Variants in CCDC148 observed in about 807,000 individuals in gnomAD.
The protein encoded by CCDC148 is coiled-coil domain-containing protein 148.
A neutral mutation model predicts 85.7 loss-of-function variants in CCDC148; 89 were observed. The observed-to-expected ratio is 1.04, with a 90% CI of 0.87 to 1.24. The LOEUF is 1.24. CCDC148 is among the 50% of genes most tolerant of loss of function. The pLI is 0.00. For synonymous variants in CCDC148, 230 were observed against 213.9 expected, an observed-to-expected ratio of 1.08 and a Z score of -0.66; for missense variants, 692 against 671.7, an observed-to-expected ratio of 1.03 and a Z score of -0.33.
chr2:158,372,453 G>C (rs1684482226), intron 1 of CCDC148, among the ~76,000 whole-genome samples: 1 of 151,924 alleles, frequency 6.6e-6, no homozygotes, highest in Non-Finnish European at 1.5e-5. Context: ...CCTCTGCTTT[G>C]GAAAGACTTA....
At chr2:158,330,203 T>A (rs935322011) in intron 7 of CCDC148, among the ~76,000 whole-genome samples, 15 of 152,140 alleles carry the variant, frequency 9.9e-5, no homozygotes, top group Admixed American at 7.9e-4. Context: ...ATTTATTGAG[T>A]GTTTTTAGCA....
intron 9 of CCDC148, among the ~76,000 whole-genome samples, chr2:158,287,418 C>T (rs905853408): frequency 3.9e-5 from 6 of 152,070 alleles, no homozygotes; most frequent in African/African-American, 1.4e-4. Context: ...TACCTATGAG[C>T]CTAGAAAATC....
chr2:158,205,955 A>G (rs1270646575), intron 11 of CCDC148, among the ~76,000 whole-genome samples: 1 of 152,122 alleles, frequency 6.6e-6, no homozygotes, highest in South Asian at 2.1e-4. Context: ...CAGCACAATC[A>G]TGCCTTCTTT....
intron 2 of CCDC148, among the ~76,000 whole-genome samples, chr2:158,357,099 G>C (rs1683691739): frequency 7.7e-6 from 1 of 129,610 alleles, no homozygotes; most frequent in Non-Finnish European, 1.6e-5. Context: ...GGAGGGGGGA[G>C]GGATAGCATT....
At chr2:158,249,130 G>C (rs1216416833) in intron 10 of CCDC148, among the ~76,000 whole-genome samples, 1 of 152,056 alleles carries the variant, frequency 6.6e-6, no homozygotes, top group South Asian at 2.1e-4. Context: ...CTCAATACTT[G>C]AGTTATTTAA....
chr2:158,259,995 C>T (rs766355406), intron 9 of CCDC148, among the ~76,000 whole-genome samples: 1 of 151,966 alleles, frequency 6.6e-6, no homozygotes, highest in Admixed American at 6.6e-5. Flanking sequence ...CTCCTAGTGA[C>T]TTTTTAACTA....
chr2:158,217,298 T>G (rs906830723), intron 11 of CCDC148, among the ~76,000 whole-genome samples: 7 of 146,868 alleles, frequency 4.8e-5, no homozygotes, highest in African/African-American at 1.7e-4. Context: ...ACCTATCATT[T>G]TATTTATGTA....
chr2:158,236,059 T>C (rs552337757), intron 10 of CCDC148: 1 of 152,362 alleles, frequency 6.6e-6, no homozygotes, highest in African/African-American at 2.4e-5. Context: ...TGGAGAGTGA[T>C]ACGACTCAGG....
At chr2:158,313,990 G>T in intron 7 of CCDC148, 96 bp from the exon 8 acceptor site, 3 of 1,191,932 alleles carry the variant, frequency 2.5e-6, no homozygotes, top group Non-Finnish European at 3.5e-6. Context: ...TAGTAACGAA[G>T]CAAAACGAGG....
chr2:158,413,185 G>C (rs184645141), intron 1 of CCDC148, among the ~76,000 whole-genome samples: 1 of 152,048 alleles, frequency 6.6e-6, no homozygotes, highest in Non-Finnish European at 1.5e-5. Context: ...AGGAGTCTTA[G>C]CATAAAAAGC....
chr2:158,374,525 G>A (rs1213759291), intron 1 of CCDC148, among the ~76,000 whole-genome samples: 1 of 151,716 alleles, frequency 6.6e-6, no homozygotes, highest in Non-Finnish European at 1.5e-5. Flanking sequence ...TTGTGCGTGC[G>A]CTCTCTCTCG....
chr2:158,449,463 T>TC (rs1688301887), intron 1 of CCDC148, among the ~76,000 whole-genome samples: 1 of 151,658 alleles, frequency 6.6e-6, no homozygotes, highest in African/African-American at 2.4e-5. Context: ...TCTTTTTTTT[T>TC]TTCCGAGACA....
chr2:158,186,786 G>A (rs957831341), intron 11 of CCDC148, among the ~76,000 whole-genome samples: 2 of 151,840 alleles, frequency 1.3e-5, no homozygotes, highest in Admixed American at 1.3e-4. Context: ...CCCAGGTTAG[G>A]CCTTCCCTCC....
chr2:158,220,623 C>A lies in CCDC148; in HGVS notation c.1342G>T (p.Ala448Ser), dbSNP rs773092722. ...TCTCTGTCTTTTAGTGACTGTTCAG[C>A]GATTAATTTCTTCAGTTCTTCTAGA... ...QRLEELKKLIAEQSLKDRERV... is the reference protein window; with the variant it reads ...QRLEELKKLISEQSLKDRERV... Residue 448 changes from alanine (A) to serine (S), a missense_variant, in exon 11 of 14, where the codon GCT (alanine) becomes TCT (serine). Ala to Ser is a moderately conservative substitution (Grantham distance 99, BLOSUM62 1). Transcript: ENST00000283233. The A allele has an allele frequency of 2.5e-6, 4 of 1,603,854 alleles. No homozygotes were observed. The highest frequency in any genetic ancestry group is 1.7e-5 in the Admixed American group (1 of 57,506).
chr2:158,377,200 A>G lies in CCDC148; in HGVS notation c.26-18630T>C, dbSNP rs573116652. ...ATGAAAACTAGGGGAAGTGGAGGAA[A>G]AATAAACTGCTCTTCCTTAGAGAAA... On this transcript the variant is annotated intron_variant, in intron 1 of 13. Transcript: ENST00000283233. 2.2e-4 allele frequency among the ~76,000 whole-genome samples: 34 copies of G among 152,008 alleles called. 1 individual carries two copies. In the South Asian group the frequency reaches 6.4e-3, roughly 29 times the overall value.
At chr2:158,248,525 T>C (rs1222777700) in intron 10 of CCDC148, among the ~76,000 whole-genome samples, 1 of 152,134 alleles carries the variant, frequency 6.6e-6, no homozygotes, top group African/African-American at 2.4e-5. Flanking sequence ...CAAAGCATTG[T>C]AATGTCCTCT....
intron 1 of CCDC148, among the ~76,000 whole-genome samples, chr2:158,445,124 T>C (rs1573833046): frequency 6.6e-6 from 1 of 152,128 alleles, no homozygotes; most frequent in East Asian, 1.9e-4. Flanking sequence ...ACATTAAACC[T>C]CATTTTCACA....
In CCDC148 at chr2:158,437,058, G is replaced by C. The variant is rs557175909; in HGVS notation, c.25+19357C>G. Among the ~76,000 whole-genome samples, 93 of 152,260 alleles carry C rather than the reference G, an allele frequency of 6.1e-4. 1 individual carries two copies. The highest frequency in any genetic ancestry group is 2.1e-3 in the African/African-American group (88 of 41,558). Reference sequence around the variant, plus strand: ...AATTCTAGCAGAGGTAGAATGAGGAGCTGGTACCATTCCTTCTGAAACTAT... The same window carrying C: ...AATTCTAGCAGAGGTAGAATGAGGACCTGGTACCATTCCTTCTGAAACTAT... On this transcript the variant is annotated intron_variant, in intron 1 of 13. Transcript: ENST00000283233.
At chr2:158,401,147 T>G (rs1030764210) in intron 1 of CCDC148, among the ~76,000 whole-genome samples, 2 of 152,198 alleles carry the variant, frequency 1.3e-5, no homozygotes, top group African/African-American at 4.8e-5. Context: ...CTGTGGCGAT[T>G]CCTGAAGGAT....
Sources: gnomAD v4.1 joint callset for allele counts (sites outside exome capture counted in the v4.1 genomes callset) on GRCh38, gnomAD v4.1.1 for gene constraint, MANE v1.5 for transcripts, NCBI Gene and HGNC (gene_info 2026-07-23, HGNC 2026-07-21) for gene names.